ZNHIT6: variants seen among roughly 807,000 people sequenced by gnomAD.
ZNHIT6 encodes the protein zinc finger HIT-type containing 6.
Under a neutral mutation model 57.2 loss-of-function variants are expected in ZNHIT6, and 45 were observed. The ratio of observed to expected loss-of-function variants is 0.79; its 90% CI spans 0.62 to 1.01. The LOEUF (loss-of-function observed/expected upper bound fraction) is 1.01. ZNHIT6 is among the 50% of genes least tolerant of loss of function. The pLI, the probability that ZNHIT6 is intolerant of heterozygous loss-of-function variation, is 0.00. For missense variants in ZNHIT6, 528 were observed against 567.3 expected (o/e 0.93, Z 0.70); for synonymous variants, 188 against 190.0 (o/e 0.99, Z 0.09).
At chr1:85,703,153 C>T (rs1283363258) in intron 4 of ZNHIT6, among the ~76,000 whole-genome samples, 2 of 151,962 alleles carry the variant, frequency 1.3e-5, no homozygotes, top group African/African-American at 4.8e-5. Context: ...TAGCAGTGAC[C>T]AACCCTCCTA....
At chr1:85,669,445 A>T (rs1055859206) in intron 8 of ZNHIT6, among the ~76,000 whole-genome samples, 1 of 152,244 alleles carries the variant, frequency 6.6e-6, no homozygotes, top group East Asian at 1.9e-4. Context: ...AAATAAAATC[A>T]TCCAAGAGAA....
At chr1:85,666,739 C>G (rs1193574771) in intron 8 of ZNHIT6, among the ~76,000 whole-genome samples, 1 of 152,200 alleles carries the variant, frequency 6.6e-6, no homozygotes, top group Non-Finnish European at 1.5e-5. Flanking sequence ...AGAGTATCAT[C>G]TTTGAGATGA....
rs748234667 is a variant in ZNHIT6 at position 85,708,317 on chromosome 1, T to A, written c.-33A>T. ...CGATCCTTGGCCTCTGCTGCCACTC[T>A]ATCCTTCAATGTGGCTGCTGCACAC... On this transcript the variant is annotated 5_prime_UTR_variant, in exon 1 of 10. Coordinates refer to ENST00000370574, the MANE Select transcript of ZNHIT6 (RefSeq NM_017953.4). 2 of 1,560,090 alleles carry A rather than the reference T, an allele frequency of 1.3e-6. No homozygotes were observed. The highest frequency in any genetic ancestry group is 1.2e-5 in the South Asian group (1 of 84,920).
chr1:85,708,070 G>A lies in ZNHIT6; in HGVS notation c.215C>T (p.Pro72Leu), dbSNP rs752220053. 1.1e-5 allele frequency: 18 copies of A among 1,614,034 alleles called. No homozygotes were observed. The highest frequency in any genetic ancestry group is 1.7e-5 in the Admixed American group (1 of 60,002). Residue 72 changes from proline to leucine, a missense_variant, in exon 1 of 10, where the codon CCG (proline) becomes CTG (leucine). Physicochemically the swap from Pro to Leu is moderately conservative, Grantham distance 98 (BLOSUM62 -3). Coordinates refer to ENST00000370574, the MANE Select transcript of ZNHIT6 (RefSeq NM_017953.4). The stretch of plus-strand genomic sequence containing the variant: ...CTGCTTCACTACCGTTAGGTCCATC[G>A]GTATTTCCTCTGGCCTTTGTCCACT... ...EGSGQRPEEIPMDLTVVKQEI... is the reference protein window; with the variant it reads ...EGSGQRPEEILMDLTVVKQEI...
rs1660926734 is a variant in ZNHIT6, at chr1:85,652,125, A to G, written c.*1933T>C. ...TAGTTTGTTTTCTGTCCAGGTTTCAATTTAAATTCAGAAGGGGGGATGGAA... is the reference window on the plus strand; with the variant it reads ...TAGTTTGTTTTCTGTCCAGGTTTCAGTTTAAATTCAGAAGGGGGGATGGAA... On this transcript the variant is annotated 3_prime_UTR_variant, in exon 10 of 10. Transcript: ENST00000370574. 6.6e-6 allele frequency: 1 copy of G among 152,146 alleles called. No homozygotes were observed. Among genetic ancestry groups the G allele is most frequent in the Admixed American group, 6.5e-5 (1 of 15,270 alleles). The allele number at this position is 152,146 out of a possible 1,614,324, so 9.4% of individuals were successfully genotyped here.
intron 6 of ZNHIT6, among the ~76,000 whole-genome samples, chr1:85,680,201 G>GC (rs958388814): frequency 2.4e-4 from 37 of 152,266 alleles, no homozygotes; most frequent in Non-Finnish European, 5.9e-5. Flanking sequence ...GCAAGATCCT[G>GC]CCCCCACTCC....
At position 85,657,838 on chromosome 1, in the gene ZNHIT6, T is replaced by A. The variant is rs765716225; in HGVS notation, c.1372+9A>T. 1.2e-6 allele frequency: 2 copies of A among 1,605,654 alleles called. No homozygotes were observed. Among genetic ancestry groups the A allele is most frequent in the Admixed American group, 3.4e-5 (2 of 58,590 alleles). On this transcript the variant is annotated intron_variant, in intron 9 of 9. Transcript: ENST00000370574. ...ATTCTAAGCATTACAGAAACAAATT[T>A]ACACTTACCTTGGTGAAGAACTTTC...
chr1:85,657,414 G>C (rs1189437437), intron 9 of ZNHIT6, among the ~76,000 whole-genome samples: 3 of 122,070 alleles, frequency 2.5e-5, no homozygotes, highest in South Asian at 4.9e-4. Context: ...AGGATACTAG[G>C]CTTTTTTTTT....
intron 8 of ZNHIT6, among the ~76,000 whole-genome samples, chr1:85,660,267 T>C (rs1395947579): frequency 6.6e-6 from 1 of 152,190 alleles, no homozygotes; most frequent in South Asian, 2.1e-4. Context: ...ACTTTTCAAG[T>C]GGCATCCTAC....
At chr1:85,694,416 A>G (rs2100706085) in intron 5 of ZNHIT6, among the ~76,000 whole-genome samples, 1 of 152,322 alleles carries the variant, frequency 6.6e-6, no homozygotes, top group South Asian at 2.1e-4. Flanking sequence ...TGATGGATAT[A>G]TAAGCATTCA....
At chr1:85,658,654 C>T (rs1661134065) in intron 8 of ZNHIT6, among the ~76,000 whole-genome samples, 1 of 151,964 alleles carries the variant, frequency 6.6e-6, no homozygotes, top group South Asian at 2.1e-4. Context: ...GGTGGATCAC[C>T]TGAGGTTGGG....
chr1:85,657,990 C>G lies in ZNHIT6; in HGVS notation c.1248-19G>C. ...ATAATATCTTATTAATAAAAAAAAA[C>G]AAAAAACCAGGAAACACTCTTAATA... On this transcript the variant is annotated intron_variant, in intron 8 of 9. Coordinates refer to ENST00000370574, the MANE Select transcript of ZNHIT6 (RefSeq NM_017953.4). 1 of 1,376,498 alleles carries G rather than the reference C, an allele frequency of 7.3e-7. No homozygotes were observed. The highest frequency in any genetic ancestry group is 1.4e-5 in the South Asian group (1 of 71,864). 85.3% of individuals were successfully genotyped at this position (1,376,498 alleles called of 1,614,324 possible).
Position 85,677,355 on chromosome 1 carries a change from A to AT in ZNHIT6, c.1170-43dup, listed in dbSNP as rs752131246. On this transcript the variant is annotated intron_variant, in intron 7 of 9. Transcript: ENST00000370574. ...ATATTGAAGGAAAAGCTGATTTTTA[A>AT]TATATTTCAAGATAGTCTTATGGAG... 119 of 1,534,786 alleles carry AT rather than the reference A, an allele frequency of 7.8e-5. No individual in the cohort carries two copies. In the African/African-American group the frequency reaches 1.4e-3, roughly 18 times the overall value.
At chr1:85,654,241 T>C in intron 9 of ZNHIT6, 143 bp from the exon 10 acceptor site, 2 of 607,490 alleles carry the variant, frequency 3.3e-6, no homozygotes. Flanking sequence ...CCCAGGCAGC[T>C]AGGATATACA....
chr1:85,677,522 C>A (rs1229560487), intron 7 of ZNHIT6, among the ~76,000 whole-genome samples: 4 of 152,090 alleles, frequency 2.6e-5, no homozygotes, highest in Non-Finnish European at 5.9e-5. Flanking sequence ...TTTTAAAACA[C>A]CTGTTTCAAT....
intron 8 of ZNHIT6, among the ~76,000 whole-genome samples, chr1:85,667,357 A>G (rs975746574): frequency 1.3e-5 from 2 of 152,314 alleles, no homozygotes; most frequent in Admixed American, 1.3e-4. Context: ...TTGATTTTAA[A>G]TAACTCTTGC....
At chr1:85,688,948 T>C (rs1662139122) in intron 5 of ZNHIT6, among the ~76,000 whole-genome samples, 1 of 152,198 alleles carries the variant, frequency 6.6e-6, no homozygotes, top group Non-Finnish European at 1.5e-5. Flanking sequence ...ATGTCCTCTG[T>C]ATATAGCTCA....
Position 85,707,669 on chromosome 1 carries a change from T to C in ZNHIT6, c.616A>G (p.Asn206Asp). The change falls in exon 1 of 10, where the codon AAT (asparagine) becomes GAT (aspartate). Residue 206 changes from asparagine (N) to aspartate (D), a missense_variant. Physicochemically the swap from Asn to Asp is conservative, Grantham distance 23. Coordinates refer to ENST00000370574, the MANE Select transcript of ZNHIT6 (RefSeq NM_017953.4). ...DTKVKEEPPI[N>D]HPVGCKRKLA... ...TTCCGCTTGCAGCCCACCGGGTGAT[T>C]TATCGGAGGCTCTTCTTTCACCTTT... The C allele has an allele frequency of 6.4e-7, 1 of 1,565,062 alleles. No individual in the cohort carries two copies. The highest frequency in any genetic ancestry group is 8.6e-7 in the Non-Finnish European group (1 of 1,159,962).
At chr1:85,683,798 C>A (rs899872002) in intron 5 of ZNHIT6, among the ~76,000 whole-genome samples, 1 of 152,116 alleles carries the variant, frequency 6.6e-6, no homozygotes, top group Non-Finnish European at 1.5e-5. Context: ...AGCAGGGTTT[C>A]TCAATCTCAG....
Sources: gnomAD v4.1 joint callset for allele counts (sites outside exome capture counted in the v4.1 genomes callset) on GRCh38, gnomAD v4.1.1 for gene constraint, MANE v1.5 for transcripts, NCBI Gene and HGNC (gene_info 2026-07-23, HGNC 2026-07-21) for gene names.